DTNA: variants seen among roughly 807,000 people sequenced by gnomAD.
DTNA encodes dystrophin-related protein 3.
Under a neutral mutation model 100.7 loss-of-function variants are expected in DTNA, and 43 were observed. That is an observed-to-expected ratio of 0.43 (90% CI 0.33 to 0.55). The LOEUF is 0.55. DTNA is among the 20% of genes least tolerant of loss of function. The pLI is 0.04. For missense variants in DTNA, 798 were observed against 953.9 expected, an observed-to-expected ratio of 0.84 and a Z score of 2.15; for synonymous variants, 349 against 347.9, an observed-to-expected ratio of 1.00 and a Z score of -0.04.
chr18:34,601,872 C>T (rs1056858682), intron 1 of DTNA, among the ~76,000 whole-genome samples: 8 of 152,202 alleles, frequency 5.3e-5, no homozygotes, highest in Non-Finnish European at 1.0e-4. Flanking sequence ...AAGGAGACTC[C>T]GTTGGGGCAA....
chr18:34,813,549 A>T (rs1020373780), intron 6 of DTNA, among the ~76,000 whole-genome samples: 1 of 151,266 alleles, frequency 6.6e-6, no homozygotes, highest in African/African-American at 2.4e-5. Flanking sequence ...TTTTTACTGA[A>T]ATTAACTTTT....
At chr18:34,807,098 C>T (rs1410688898) in intron 5 of DTNA, among the ~76,000 whole-genome samples, 1 of 152,072 alleles carries the variant, frequency 6.6e-6, no homozygotes, top group Non-Finnish European at 1.5e-5. Context: ...GGGTCCCACC[C>T]CAAGAATTTC....
At chr18:34,577,075 GGGTTTCTGCTT>G (rs2048181159) in intron 1 of DTNA, among the ~76,000 whole-genome samples, 1 of 152,058 alleles carries the variant, frequency 6.6e-6, no homozygotes, top group African/African-American at 2.4e-5. Context: ...GGCCTCAAAA[GGGTTTCTGCTT>G]GCCTTTAAAC....
At chr18:34,790,280 A>G (rs1307929079) in intron 3 of DTNA, among the ~76,000 whole-genome samples, 2 of 152,136 alleles carry the variant, frequency 1.3e-5, no homozygotes, top group African/African-American at 4.8e-5. Context: ...CTGTTGGTCT[A>G]CACAAGAGTG....
chr18:34,840,940 C>T (rs1238025293), intron 13 of DTNA, among the ~76,000 whole-genome samples: 1 of 152,014 alleles, frequency 6.6e-6, no homozygotes, highest in East Asian at 1.9e-4. Flanking sequence ...CCTTTAACAT[C>T]ATTGTAGCTA....
At chr18:34,576,125 A>G (rs1263086971) in intron 1 of DTNA, among the ~76,000 whole-genome samples, 3 of 152,202 alleles carry the variant, frequency 2.0e-5, no homozygotes, top group Admixed American at 1.3e-4. Flanking sequence ...AAAATCCTAG[A>G]GTCCTGATCC....
At chr18:34,839,187 A>T (rs77479882) in intron 13 of DTNA, among the ~76,000 whole-genome samples, 1 of 152,316 alleles carries the variant, frequency 6.6e-6, no homozygotes, top group East Asian at 1.9e-4. Flanking sequence ...AATTTGTCTT[A>T]TTCCAAGGAC....
intron 17 of DTNA, chr18:34,866,490 C>CT: frequency 8.4e-7 from 1 of 1,188,652 alleles, no homozygotes; most frequent in African/African-American, 1.6e-5. Context: ...ACCACAGTCA[C>CT]TAGAGATACC....
At chr18:34,753,353 A>AT (rs765601120) in intron 1 of DTNA, among the ~76,000 whole-genome samples, 9 of 10,936 alleles carry the variant, frequency 8.2e-4, no homozygotes, top group Admixed American at 2.1e-3. Flanking sequence ...TTATTTATTT[A>AT]TTTATTTATT....
At chr18:34,596,861 T>A (rs1264788524) in intron 1 of DTNA, among the ~76,000 whole-genome samples, 2 of 152,212 alleles carry the variant, frequency 1.3e-5, no homozygotes, top group East Asian at 3.9e-4. Flanking sequence ...ACAGTTCTTT[T>A]TTTTAATTAT....
At chr18:34,840,995 G>A (rs1253457373) in intron 13 of DTNA, among the ~76,000 whole-genome samples, 1 of 151,978 alleles carries the variant, frequency 6.6e-6, no homozygotes, top group Non-Finnish European at 1.5e-5. Context: ...TATAATAATA[G>A]TAATAATAAT....
intron 1 of DTNA, among the ~76,000 whole-genome samples, chr18:34,589,147 C>T (rs2049428886): frequency 6.6e-6 from 1 of 151,882 alleles, no homozygotes; most frequent in African/African-American, 2.4e-5. Context: ...AGTTTATTGG[C>T]ATTTAATAGG....
At chr18:34,730,239 A>G (rs1432883084) in intron 1 of DTNA, among the ~76,000 whole-genome samples, 2 of 152,224 alleles carry the variant, frequency 1.3e-5, no homozygotes, top group Non-Finnish European at 2.9e-5. Flanking sequence ...CTGGGTGAGG[A>G]ATTTGTAGTG....
At chr18:34,806,126 A>G (rs1349692806) in intron 4 of DTNA, 93 bp from the exon 5 acceptor site, 1 of 1,084,094 alleles carries the variant, frequency 9.2e-7, no homozygotes, top group Non-Finnish European at 1.4e-6. Context: ...TACAGAATAG[A>G]AAATGTCAAA....
chr18:34,521,921 C>T (rs796866699), intron 1 of DTNA, among the ~76,000 whole-genome samples: 3 of 152,224 alleles, frequency 2.0e-5, no homozygotes, highest in African/African-American at 7.2e-5. Context: ...GTAAGCTGCA[C>T]AAGGGAAGGG....
chr18:34,567,220 T>G (rs1598625917), intron 1 of DTNA, among the ~76,000 whole-genome samples: 1 of 152,320 alleles, frequency 6.6e-6, no homozygotes, highest in East Asian at 1.9e-4. Flanking sequence ...ATTTTAGATG[T>G]CTTTATTTTA....
intron 1 of DTNA, among the ~76,000 whole-genome samples, chr18:34,592,441 C>G (rs1480929591): frequency 1.4e-5 from 2 of 147,630 alleles, no homozygotes; most frequent in Admixed American, 6.8e-5. Flanking sequence ...CACTCAATTT[C>G]TCTTCTTTTA....
chr18:34,671,608 C>G (rs2076764931), intron 1 of DTNA, among the ~76,000 whole-genome samples: 1 of 152,234 alleles, frequency 6.6e-6, no homozygotes, highest in African/African-American at 2.4e-5. Context: ...GTACGGTACT[C>G]TGCATGCAAA....
At chr18:34,882,719 T>C (rs17558116) in intron 21 of DTNA, among the ~76,000 whole-genome samples, 22,148 of 152,220 alleles carry the variant, frequency 0.15, 2,055 homozygotes, top group Middle Eastern at 0.26. Flanking sequence ...TAGAAAGTGA[T>C]AAACAGCCTT....
Sources: allele counts gnomAD v4.1 joint callset (sites outside exome capture counted in the v4.1 genomes callset), GRCh38; gene constraint gnomAD v4.1.1; transcripts MANE v1.5; gene names NCBI Gene and HGNC (gene_info 2026-07-23, HGNC 2026-07-21).